DMD: variants seen among roughly 807,000 people sequenced by gnomAD.
DMD encodes dystrophin.
In DMD, 63 loss-of-function variants were observed where a neutral mutation model predicts 330.1. The observed-to-expected ratio is 0.19, with a 90% CI of 0.16 to 0.24. The LOEUF (loss-of-function observed/expected upper bound fraction) is 0.24, where lower values mean the gene tolerates loss of function less well. Ranked by LOEUF, DMD falls within the 10% of genes least tolerant of loss-of-function variation. DMD has a pLI of 1.00. For synonymous variants in DMD, 1,223 were observed against 959.8 expected (o/e 1.27, Z -5.07); for missense variants, 3,344 against 2,684.1 (o/e 1.25, Z -5.43).
intron 1 of DMD, among the ~76,000 whole-genome samples, chrX:33,042,959 G>A (rs1483479551): frequency 9.0e-6 from 1 of 111,684 alleles, no homozygotes; most frequent in Non-Finnish European, 1.9e-5. Context: ...ACGAATGCAT[G>A]GTTCTATAAT....
intron 1 of DMD, among the ~76,000 whole-genome samples, chrX:33,055,347 G>A (rs962997326): frequency 1.8e-5 from 2 of 111,737 alleles, no homozygotes; most frequent in African/African-American, 6.5e-5. Flanking sequence ...AGGTAGCTAC[G>A]TGAGTAAGGA....
At chrX:32,685,767 A>T (rs1333865190) in intron 9 of DMD, among the ~76,000 whole-genome samples, 1 of 111,858 alleles carries the variant, frequency 8.9e-6, no homozygotes, top group African/African-American at 3.2e-5. Flanking sequence ...GAGGAGTTTC[A>T]TAACGATACC....
chrX:31,980,424 T>C (rs1034505053), intron 44 of DMD, among the ~76,000 whole-genome samples: 2 of 112,144 alleles, frequency 1.8e-5, no homozygotes, highest in East Asian at 2.8e-4. Flanking sequence ...CTGATCAAAA[T>C]AGTACATTTT....
chrX:32,675,536 T>C (rs1009765359), intron 9 of DMD, among the ~76,000 whole-genome samples: 3 of 111,943 alleles, frequency 2.7e-5, no homozygotes, highest in Non-Finnish European at 5.7e-5. Context: ...ATTGCTTATA[T>C]ATTCATCCAC....
intron 18 of DMD, among the ~76,000 whole-genome samples, chrX:32,511,409 C>T (rs2045298621): frequency 9.4e-6 from 1 of 106,724 alleles, no homozygotes; most frequent in African/African-American, 3.4e-5. Flanking sequence ...GTAGTCCCAG[C>T]TACTCGGGAG....
chrX:31,922,525 T>TGTGTGCGC (rs773093542), intron 47 of DMD, among the ~76,000 whole-genome samples: 1 of 106,361 alleles, frequency 9.4e-6, no homozygotes, highest in Non-Finnish European at 2.0e-5. Context: ...TGTGTGTGTG[T>TGTGTGCGC]GCGCGCGCGT....
upstream of DMD, among the ~76,000 whole-genome samples, chrX:33,212,248 C>G (rs986289646): frequency 1.3e-4 from 15 of 112,255 alleles, no homozygotes; most frequent in African/African-American, 4.8e-4. Context: ...ATTCTTTCTT[C>G]CATTTCTCTG....
rs959356940 is a variant in DMD, at chrX:31,590,440, CTTG to C, written c.8217+37230_8217+37232del. Among the ~76,000 whole-genome samples the C allele has an allele frequency of 6.3e-5, 7 of 111,751 alleles. No homozygotes were observed. In the East Asian group the frequency reaches 2.0e-3, roughly 31 times the overall value. On this transcript the variant is annotated intron_variant, in intron 55 of 78. Transcript: ENST00000357033. Reference sequence around the variant, plus strand: ...AACGACATCACCCACAAGACATTTTCTTGTTAAGTTGCGAAGTAACTTTTAGTA... The same window carrying C: ...AACGACATCACCCACAAGACATTTTCTTAAGTTGCGAAGTAACTTTTAGTA...
intron 7 of DMD, among the ~76,000 whole-genome samples, chrX:32,746,471 T>C (rs1945212049): frequency 8.9e-6 from 1 of 111,754 alleles, no homozygotes; most frequent in Admixed American, 9.5e-5. Flanking sequence ...CAGCGTCACC[T>C]GGGACCTTTT....
intron 11 of DMD, among the ~76,000 whole-genome samples, chrX:32,629,775 T>C (rs1277331115): frequency 9.7e-6 from 1 of 102,989 alleles, no homozygotes; most frequent in Non-Finnish European, 2.0e-5. Context: ...ACTGGTTGCA[T>C]AAACAAATAA....
In DMD at chrX:32,007,923, C is replaced by T. The variant is rs776631095; in HGVS notation, c.6439-39409G>A. ...ATTTATGTTAGCTAGAAAATTAAGA[C>T]TACTGAATAATTTTTCTTTCAGCTA... On this transcript the variant is annotated intron_variant, in intron 44 of 78. Coordinates refer to ENST00000357033, the MANE Select transcript of DMD (RefSeq NM_004006.3). Among the ~76,000 whole-genome samples the T allele has an allele frequency of 1.1e-4, 12 of 111,742 alleles. 1 individual carries two copies. The South Asian group carries it at 4.5e-3, about 42-fold the overall frequency.
At chrX:32,456,224 A>G (rs2098357513) in intron 25 of DMD, among the ~76,000 whole-genome samples, 1 of 110,786 alleles carries the variant, frequency 9.0e-6, no homozygotes, top group Non-Finnish European at 1.9e-5. Context: ...TGAGCCTAAT[A>G]TAGATAATAC....
At chrX:33,139,287 CT>C (rs1378590953) in intron 1 of DMD, among the ~76,000 whole-genome samples, 6 of 111,285 alleles carry the variant, frequency 5.4e-5, no homozygotes, top group Middle Eastern at 4.7e-3. Flanking sequence ...AGCGAGACCC[CT>C]GATATAGTTT....
In DMD at chrX:31,356,924, C is replaced by T. The variant is rs905544204; in HGVS notation, c.9085-8290G>A. 1.4e-3 allele frequency among the ~76,000 whole-genome samples: 105 copies of T among 74,265 alleles called. 1 individual carries two copies. The highest frequency in any genetic ancestry group is 1.7e-3 in the Non-Finnish European group (68 of 38,967). The allele number at this position is 74,265 out of a possible 115,157, so 64.5% of individuals were successfully genotyped here. On this transcript the variant is annotated intron_variant, in intron 60 of 78. Transcript: ENST00000357033. ...AGATCATAGGAAGCATTTCTTCTGCCTTTTTTTTTTTTTTTTTTTTTGGTC... is the reference window on the plus strand; with the variant it reads ...AGATCATAGGAAGCATTTCTTCTGCTTTTTTTTTTTTTTTTTTTTTTGGTC...
intron 43 of DMD, among the ~76,000 whole-genome samples, chrX:32,225,254 G>C (rs1214355380): frequency 9.0e-6 from 1 of 111,410 alleles, no homozygotes; most frequent in Non-Finnish European, 1.9e-5. Context: ...ACTCTGCCTT[G>C]AAGTTCAAAA....
chrX:32,308,099 A>AT (rs1210268977), intron 42 of DMD, among the ~76,000 whole-genome samples: 3 of 110,376 alleles, frequency 2.7e-5, no homozygotes, highest in Admixed American at 1.9e-4. Flanking sequence ...ACGTATATAT[A>AT]TATGTTTGTG....
chrX:31,310,176 C>CCTCTCT (rs3032536), intron 62 of DMD, among the ~76,000 whole-genome samples: 7 of 91,544 alleles, frequency 7.6e-5, no homozygotes, highest in Admixed American at 2.4e-4. Flanking sequence ...TCTTCGTTGT[C>CCTCTCT]CTCTCTCTCT....
intron 4 of DMD, among the ~76,000 whole-genome samples, chrX:32,836,578 G>A (rs1438838611): frequency 9.1e-6 from 1 of 110,301 alleles, no homozygotes; most frequent in Non-Finnish European, 1.9e-5. Flanking sequence ...AAGCATTTTT[G>A]TAACATTTTT....
At chrX:33,244,436 A>C (rs768828552) in intron 1 of DMD, among the ~76,000 whole-genome samples, 1 of 112,192 alleles carries the variant, frequency 8.9e-6, no homozygotes, top group East Asian at 2.8e-4. Context: ...GAACTATATA[A>C]GGATGGTATC....
Sources: gnomAD v4.1 joint callset for allele counts (sites outside exome capture counted in the v4.1 genomes callset) on GRCh38, gnomAD v4.1.1 for gene constraint, MANE v1.5 for transcripts, NCBI Gene and HGNC (gene_info 2026-07-23, HGNC 2026-07-21) for gene names.